The following TAF2 variants were observed in gnomAD, a reference collection of about 807,000 sequenced individuals.
TAF2 encodes transcription initiation factor TFIID subunit 2.
TAF2 carries 61 observed loss-of-function variants against 138.5 expected under a neutral mutation model. The ratio of observed to expected loss-of-function variants is 0.44; its 90% CI spans 0.36 to 0.54. The LOEUF is 0.54. Among genes scored for constraint, TAF2 ranks in the 20% least tolerant of loss-of-function variants. The pLI is 0.00. For missense variants in TAF2, 1,090 were observed against 1,427.9 expected, an observed-to-expected ratio of 0.76 and a Z score of 3.81; for synonymous variants, 475 against 469.9, an observed-to-expected ratio of 1.01 and a Z score of -0.14.
At chr8:119,753,428 T>C (rs1259652771) in intron 22 of TAF2, among the ~76,000 whole-genome samples, 1 of 152,230 alleles carries the variant, frequency 6.6e-6, no homozygotes, top group Admixed American at 6.5e-5. Flanking sequence ...ATCTTCGGTA[T>C]CTATTGTCCA....
At chr8:119,763,846 T>C (rs1231826745) in intron 18 of TAF2, among the ~76,000 whole-genome samples, 1 of 151,088 alleles carries the variant, frequency 6.6e-6, no homozygotes, top group South Asian at 2.1e-4. Flanking sequence ...AGAGCAAGAC[T>C]GTTTCAAAAA....
intron 18 of TAF2, among the ~76,000 whole-genome samples, chr8:119,773,411 A>G (rs1276562125): frequency 2.6e-5 from 4 of 151,532 alleles, no homozygotes; most frequent in Non-Finnish European, 5.9e-5. Context: ...TTATTTTCCC[A>G]ACCCTTTCTC....
intron 24 of TAF2, among the ~76,000 whole-genome samples, chr8:119,743,057 A>C (rs890425879): frequency 2.8e-4 from 43 of 152,044 alleles, no homozygotes; most frequent in Non-Finnish European, 4.4e-4. Context: ...AAACAGAGTG[A>C]GACTCCATCT....
At chr8:119,807,195 G>A (rs995308855) in intron 3 of TAF2, among the ~76,000 whole-genome samples, 3 of 152,180 alleles carry the variant, frequency 2.0e-5, no homozygotes, top group Non-Finnish European at 4.4e-5. Context: ...CATAATGTAA[G>A]CTTAATGAAG....
intron 3 of TAF2, among the ~76,000 whole-genome samples, chr8:119,810,015 A>G (rs1586505590): frequency 6.6e-6 from 1 of 151,818 alleles, no homozygotes; most frequent in Non-Finnish European, 1.5e-5. Context: ...AAAAAAAAAA[A>G]AACAGTATCT....
chr8:119,819,267 T>C, intron 3 of TAF2, 79 bp downstream of exon 3: 1 of 1,476,856 alleles, frequency 6.8e-7, no homozygotes, highest in East Asian at 2.3e-5. Flanking sequence ...AAAAAATACT[T>C]TGAGAAAAAC....
At chr8:119,764,674 C>G (rs1315918979) in intron 18 of TAF2, among the ~76,000 whole-genome samples, 2 of 152,004 alleles carry the variant, frequency 1.3e-5, no homozygotes, top group Non-Finnish European at 2.9e-5. Context: ...GGAATAGGCA[C>G]ATTTCAAAGA....
chr8:119,780,971 T>C (rs1348615519), intron 17 of TAF2, 82 bp downstream of exon 17: 67 of 1,267,634 alleles, frequency 5.3e-5, no homozygotes, highest in Non-Finnish European at 6.8e-5. Flanking sequence ...GCAAAGAAAG[T>C]AAACACATCT....
At chr8:119,753,715 TTG>T (rs1247049238) in intron 22 of TAF2, among the ~76,000 whole-genome samples, 10 of 152,212 alleles carry the variant, frequency 6.6e-5, no homozygotes, top group African/African-American at 1.9e-4. Flanking sequence ...TTTATAAAAA[TTG>T]TCTCATTAAT....
At chr8:119,805,683 C>A (rs1677193374) in intron 4 of TAF2, among the ~76,000 whole-genome samples, 1 of 151,128 alleles carries the variant, frequency 6.6e-6, no homozygotes, top group Admixed American at 6.6e-5. Flanking sequence ...CCACCCTGGG[C>A]AACAAGAGCG....
At chr8:119,797,912 A>G in intron 6 of TAF2, 66 bp from the exon 7 acceptor site, 1 of 1,400,672 alleles carries the variant, frequency 7.1e-7, no homozygotes, top group Non-Finnish European at 1.0e-6. Context: ...GAAATTTCCT[A>G]AACACCTCAA....
chr8:119,758,323 A>AT (rs2131048020), intron 20 of TAF2, among the ~76,000 whole-genome samples, 181 bp from the exon 21 acceptor site: 1 of 152,312 alleles, frequency 6.6e-6, no homozygotes, highest in East Asian at 1.9e-4. Context: ...TGTAACTTTT[A>AT]TAAGTATCAA....
rs748008967 is a variant in TAF2 at position 119,789,618 on chromosome 8, A to G, written c.1542T>C (p.Asp514=). Reference sequence around the variant, plus strand: ...CCCACTGCTTTATTAACGGCTGAATATCTTTGCCAGAGACATTTGAAATGG... The same window carrying G: ...CCCACTGCTTTATTAACGGCTGAATGTCTTTGCCAGAGACATTTGAAATGG... ...LKSISNVSGK[D]IQPLIKQWVD... The change falls in exon 12 of 26, where the codon GAT becomes GAC. Residue 514 remains aspartate (D), a synonymous_variant. Transcript: ENST00000378164. 1.2e-6 allele frequency: 2 copies of G among 1,613,796 alleles called. No homozygotes were observed. Among genetic ancestry groups the G allele is most frequent in the Admixed American group, 3.3e-5 (2 of 60,010 alleles).
chr8:119,758,284 GCT>G (rs1331086439), intron 20 of TAF2, 142 bp from the exon 21 acceptor site: 1 of 691,868 alleles, frequency 1.4e-6, no homozygotes, highest in Admixed American at 2.6e-5. Context: ...TTATAGGTAA[GCT>G]CTTATATTTT....
At chr8:119,782,115 CA>C (rs1352335388) in intron 16 of TAF2, among the ~76,000 whole-genome samples, 5 of 152,136 alleles carry the variant, frequency 3.3e-5, no homozygotes, top group African/African-American at 1.2e-4. Flanking sequence ...TTCGTTTAGA[CA>C]GATATAATTC....
intron 18 of TAF2, among the ~76,000 whole-genome samples, chr8:119,775,763 G>A (rs1586396263): frequency 6.6e-6 from 1 of 151,868 alleles, no homozygotes; most frequent in African/African-American, 2.4e-5. Flanking sequence ...AAACTTTAAC[G>A]TGGTCCTGAA....
chr8:119,762,704 A>G (rs1821151250), intron 18 of TAF2, 96 bp from the exon 19 acceptor site: 2 of 1,241,910 alleles, frequency 1.6e-6, no homozygotes, highest in African/African-American at 1.5e-5. Flanking sequence ...TAGATAAAAT[A>G]AAAATTTTCC....
chr8:119,745,983 T>C (rs1346573927), intron 23 of TAF2, among the ~76,000 whole-genome samples: 2 of 152,202 alleles, frequency 1.3e-5, no homozygotes, highest in Non-Finnish European at 2.9e-5. Context: ...CTGTGCTAGG[T>C]ATTACACAGA....
intron 25 of TAF2, among the ~76,000 whole-genome samples, chr8:119,732,866 A>G (rs1040795683): frequency 6.6e-6 from 1 of 152,152 alleles, no homozygotes; most frequent in African/African-American, 2.4e-5. Context: ...ACTCAATTAC[A>G]TAACTCACTC....
Sources: gnomAD v4.1 joint callset for allele counts (sites outside exome capture counted in the v4.1 genomes callset) on GRCh38, gnomAD v4.1.1 for gene constraint, MANE v1.5 for transcripts, NCBI Gene and HGNC (gene_info 2026-07-23, HGNC 2026-07-21) for gene names.